The following SLC24A2 variants were observed in gnomAD, a reference collection of about 807,000 sequenced individuals.
SLC24A2 encodes the protein sodium/potassium/calcium exchanger 2.
In SLC24A2, 36 loss-of-function variants were observed where a neutral mutation model predicts 62.0. The observed-to-expected ratio is 0.58, with a 90% CI of 0.44 to 0.77. The LOEUF is 0.77. Ranked by LOEUF, SLC24A2 falls within the 30% of genes least tolerant of loss-of-function variation. SLC24A2 has a pLI of 0.00. For synonymous variants in SLC24A2, 358 were observed against 294.0 expected (o/e 1.22, Z -2.23); for missense variants, 846 against 817.9 (o/e 1.03, Z -0.42).
At chr9:19,883,571 G>GTT in the SLC24A2 span, among the ~76,000 whole-genome samples, 13,516 of 147,770 alleles carry the variant, frequency 0.091, 828 homozygotes, top group Middle Eastern at 0.21. Flanking sequence ...TCTGTACATT[G>GTT]TTTTTTTTTT....
At chr9:20,009,640 G>A in the SLC24A2 span, among the ~76,000 whole-genome samples, 1 of 152,138 alleles carries the variant, frequency 6.6e-6, no homozygotes, top group Admixed American at 6.5e-5. Flanking sequence ...GGTCAGTAAT[G>A]ACCAGAGAAA....
intron 2 of SLC24A2, among the ~76,000 whole-genome samples, chr9:19,773,267 T>TA (rs1822744747): frequency 6.6e-6 from 1 of 152,116 alleles, no homozygotes; most frequent in South Asian, 2.1e-4. Context: ...ATGTATATGC[T>TA]AAAAAACACT....
At chr9:20,138,156 G>A in the SLC24A2 span, among the ~76,000 whole-genome samples, 1 of 152,070 alleles carries the variant, frequency 6.6e-6, no homozygotes, top group Non-Finnish European at 1.5e-5. Context: ...ACAGCCCTTT[G>A]GATATGAATA....
At chr9:19,943,318 T>G in the SLC24A2 span, among the ~76,000 whole-genome samples, 1 of 152,212 alleles carries the variant, frequency 6.6e-6, no homozygotes, top group Admixed American at 6.5e-5. Flanking sequence ...TGGGCTTTCA[T>G]GTACTCACCC....
At chr9:19,653,639 G>C (rs1008373875) in intron 2 of SLC24A2, among the ~76,000 whole-genome samples, 2 of 152,184 alleles carry the variant, frequency 1.3e-5, no homozygotes, top group African/African-American at 4.8e-5. Context: ...TCTTGAGCTT[G>C]GAGTTGAGTT....
chr9:19,580,945 G>A (rs1836187270), intron 5 of SLC24A2, among the ~76,000 whole-genome samples: 1 of 152,170 alleles, frequency 6.6e-6, no homozygotes, highest in African/African-American at 2.4e-5. Context: ...TCCAGGGAAG[G>A]GCTGAGCTGC....
chr9:20,268,351 A>G, the SLC24A2 span, among the ~76,000 whole-genome samples: 15 of 152,148 alleles, frequency 9.9e-5, no homozygotes, highest in Admixed American at 5.9e-4. Context: ...CTAACTCCCA[A>G]CATGGCAGTA....
chr9:20,182,477 C>T, the SLC24A2 span, among the ~76,000 whole-genome samples: 1 of 152,200 alleles, frequency 6.6e-6, no homozygotes, highest in African/African-American at 2.4e-5. Context: ...GAATTCATGT[C>T]CTTTGCAGGA....
At chr9:19,706,863 A>G (rs1371056277) in intron 2 of SLC24A2, among the ~76,000 whole-genome samples, 1 of 152,070 alleles carries the variant, frequency 6.6e-6, no homozygotes, top group African/African-American at 2.4e-5. Flanking sequence ...AGCAAGAGCA[A>G]ACACATTCAA....
chr9:19,689,420 C>A (rs1428845281), intron 2 of SLC24A2, among the ~76,000 whole-genome samples: 1 of 152,152 alleles, frequency 6.6e-6, no homozygotes. Context: ...GTAAGGGGAG[C>A]TGCTGAAAGC....
In SLC24A2 at chr9:19,751,812, G is replaced by A. The variant is rs562154587; in HGVS notation, c.930+34125C>T. ...TATGTGTCTGGAGGATCAGACGTAG[G>A]AAGGGTGGTGGAGCTGGCTCCTTTC... is the stretch of plus-strand genomic sequence containing the variant. On this transcript the variant is annotated intron_variant, in intron 2 of 10. Transcript: ENST00000341998. Among the ~76,000 whole-genome samples, 20 of 152,306 alleles carry A rather than the reference G, an allele frequency of 1.3e-4. 1 individual carries two copies. Among genetic ancestry groups the A allele is most frequent in the Admixed American group, 2.6e-4 (4 of 15,306 alleles).
chr9:19,577,210 C>T (rs1836044765), intron 5 of SLC24A2, among the ~76,000 whole-genome samples, 188 bp from the exon 6 acceptor site: 2 of 152,146 alleles, frequency 1.3e-5, no homozygotes, highest in African/African-American at 4.8e-5. Flanking sequence ...CAGCCCAATT[C>T]TCTATTTGAG....
chr9:20,190,925 A>G, the SLC24A2 span, among the ~76,000 whole-genome samples: 1 of 152,196 alleles, frequency 6.6e-6, no homozygotes, highest in East Asian at 1.9e-4. Flanking sequence ...GTACATAAAA[A>G]GTTCTCCAAA....
the SLC24A2 span, among the ~76,000 whole-genome samples, chr9:20,030,222 A>G: frequency 7.2e-5 from 11 of 152,286 alleles, no homozygotes; most frequent in East Asian, 1.7e-3. Flanking sequence ...CCAGATGTGA[A>G]GATACTTTTA....
intron 2 of SLC24A2, among the ~76,000 whole-genome samples, chr9:19,767,687 A>C (rs1465417254): frequency 6.6e-6 from 1 of 152,176 alleles, no homozygotes; most frequent in Admixed American, 6.5e-5. Flanking sequence ...GGAAATACAG[A>C]AATCACCTGC....
chr9:20,190,084 G>C, the SLC24A2 span, among the ~76,000 whole-genome samples: 1 of 152,204 alleles, frequency 6.6e-6, no homozygotes, highest in Non-Finnish European at 1.5e-5. Flanking sequence ...TTCCCTGGGA[G>C]AGTTTGCATT....
the SLC24A2 span, among the ~76,000 whole-genome samples, chr9:20,243,416 A>T: frequency 1.3e-5 from 2 of 152,196 alleles, no homozygotes; most frequent in Non-Finnish European, 1.5e-5. Context: ...ATTTATAAAA[A>T]TTTGCAGCAT....
intron 2 of SLC24A2, among the ~76,000 whole-genome samples, chr9:19,755,603 G>T (rs1212406930): frequency 6.6e-6 from 1 of 152,182 alleles, no homozygotes; most frequent in Non-Finnish European, 1.5e-5. Context: ...CTGAAGGATA[G>T]AGGAAATCTT....
At chr9:20,282,923 A>G in the SLC24A2 span, among the ~76,000 whole-genome samples, 1 of 152,130 alleles carries the variant, frequency 6.6e-6, no homozygotes, top group African/African-American at 2.4e-5. Flanking sequence ...CTTTGCACAC[A>G]CCTCTGATTA....
Sources: gnomAD v4.1 joint callset for allele counts (sites outside exome capture counted in the v4.1 genomes callset) on GRCh38, gnomAD v4.1.1 for gene constraint, MANE v1.5 for transcripts, NCBI Gene and HGNC (gene_info 2026-07-23, HGNC 2026-07-21) for gene names.